KLHL1: variants seen among roughly 807,000 people sequenced by gnomAD.
The protein encoded by KLHL1 is kelch-like protein 1.
KLHL1 carries 47 observed loss-of-function variants against 77.7 expected under a neutral mutation model. The ratio of observed to expected loss-of-function variants is 0.60; its 90% CI spans 0.48 to 0.77. The LOEUF is 0.77. Ranked by LOEUF, KLHL1 falls within the 30% of genes least tolerant of loss-of-function variation. The pLI is 0.00. For synonymous variants in KLHL1, 360 were observed against 325.2 expected, an observed-to-expected ratio of 1.11 and a Z score of -1.15; for missense variants, 925 against 910.8, an observed-to-expected ratio of 1.02 and a Z score of -0.20.
intron 4 of KLHL1, among the ~76,000 whole-genome samples, chr13:69,926,984 A>G (rs1882839579): frequency 6.8e-6 from 1 of 147,540 alleles, no homozygotes. Context: ...GAGAATTCAC[A>G]CTTCCCAATT....
chr13:69,975,248 A>G (rs550757260), intron 2 of KLHL1, among the ~76,000 whole-genome samples: 21 of 152,038 alleles, frequency 1.4e-4, no homozygotes, highest in Non-Finnish European at 2.1e-4. Context: ...AGCATATTTC[A>G]TTTCAGATTT....
At chr13:69,731,875 T>G (rs977944671) in intron 8 of KLHL1, among the ~76,000 whole-genome samples, 1 of 152,096 alleles carries the variant, frequency 6.6e-6, no homozygotes, top group Non-Finnish European at 1.5e-5. Context: ...TCACAAGTAG[T>G]AAATAGAAAA....
At chr13:69,981,073 T>C (rs1310132419) in intron 1 of KLHL1, among the ~76,000 whole-genome samples, 3 of 152,146 alleles carry the variant, frequency 2.0e-5, no homozygotes, top group African/African-American at 7.2e-5. Flanking sequence ...ATTTAGTAAA[T>C]GTTTGTGGCA....
At chr13:70,068,219 T>C (rs1180885319) in intron 1 of KLHL1, among the ~76,000 whole-genome samples, 8 of 152,088 alleles carry the variant, frequency 5.3e-5, no homozygotes, top group Non-Finnish European at 1.2e-4. Flanking sequence ...CGGGCGCCTG[T>C]AGTCCCAGCT....
At chr13:69,855,335 G>C (rs370835005) in intron 5 of KLHL1, among the ~76,000 whole-genome samples, 2,244 of 89,958 alleles carry the variant, frequency 0.025, 34 homozygotes, top group Non-Finnish European at 0.03. Context: ...TAGATAGATA[G>C]ATAGATAGAT....
intron 1 of KLHL1, among the ~76,000 whole-genome samples, chr13:70,084,283 T>G (rs1005841101): frequency 1.3e-5 from 2 of 152,138 alleles, no homozygotes; most frequent in South Asian, 4.1e-4. Flanking sequence ...AAGTACTTTA[T>G]AACTATACCC....
chr13:69,732,220 TAAAAC>T (rs1013384063), intron 8 of KLHL1, among the ~76,000 whole-genome samples: 3 of 152,150 alleles, frequency 2.0e-5, no homozygotes, highest in Non-Finnish European at 2.9e-5. Flanking sequence ...AAATCAGTCT[TAAAAC>T]ACACATAGAA....
chr13:69,813,311 C>A lies in KLHL1; in HGVS notation c.1415-16349G>T, dbSNP rs866468580. On this transcript the variant is annotated intron_variant, in intron 6 of 10. Transcript: ENST00000377844. ...GACACAGGAAGGGGAACATCACACACCGGGGCCTGTTGTGGGGTGGGGGGA... is the reference window on the plus strand; with the variant it reads ...GACACAGGAAGGGGAACATCACACAACGGGGCCTGTTGTGGGGTGGGGGGA... Among the ~76,000 whole-genome samples the A allele has an allele frequency of 3.7e-3, 562 of 150,708 alleles. 4 individuals are homozygous for A. Among genetic ancestry groups the A allele is most frequent in the African/African-American group, 0.013 (527 of 40,340 alleles).
chr13:70,062,427 G>C (rs1184907902), intron 1 of KLHL1, among the ~76,000 whole-genome samples: 3 of 152,246 alleles, frequency 2.0e-5, no homozygotes, highest in Non-Finnish European at 2.9e-5. Context: ...ATTTGAGCTA[G>C]AAATGCAGAT....
intron 2 of KLHL1, among the ~76,000 whole-genome samples, chr13:69,966,643 C>T (rs7999570): frequency 0.61 from 92,970 of 151,964 alleles, 28,540 homozygotes; most frequent in South Asian, 0.65. Context: ...TTTGCATACA[C>T]GTGCAATTTT....
At position 69,745,657 on chromosome 13, in the gene KLHL1, C is replaced by A. The variant is rs145209433; in HGVS notation, c.1640-5101G>T. 2.0e-5 allele frequency among the ~76,000 whole-genome samples: 3 copies of A among 151,584 alleles called. No individual in the cohort carries two copies. In the South Asian group the frequency reaches 6.2e-4, roughly 31 times the overall value. The stretch of plus-strand genomic sequence containing the variant: ...ATAGGATTAAATATAAAAATTAAAA[C>A]AATAAACTTTTCAGAATATAATGGA... On this transcript the variant is annotated intron_variant, in intron 7 of 10. Transcript: ENST00000377844.
intron 1 of KLHL1, among the ~76,000 whole-genome samples, chr13:70,053,140 T>C (rs1886667204): frequency 6.6e-6 from 1 of 152,020 alleles, no homozygotes; most frequent in Admixed American, 6.6e-5. Context: ...AAGTGTAGTC[T>C]TAAAAGAAAC....
At chr13:69,903,274 C>A (rs1206541675) in intron 4 of KLHL1, among the ~76,000 whole-genome samples, 1 of 152,100 alleles carries the variant, frequency 6.6e-6, no homozygotes, top group African/African-American at 2.4e-5. Flanking sequence ...ACCCACCACA[C>A]CCCCACTTGC....
intron 1 of KLHL1, among the ~76,000 whole-genome samples, chr13:70,024,057 G>A (rs550139245): frequency 6.6e-6 from 1 of 151,776 alleles, no homozygotes; most frequent in Non-Finnish European, 1.5e-5. Flanking sequence ...ATGTATTAGG[G>A]TGTTTTAAAG....
intron 1 of KLHL1, among the ~76,000 whole-genome samples, chr13:70,067,380 A>G (rs1488533444): frequency 1.3e-5 from 2 of 152,056 alleles, no homozygotes; most frequent in African/African-American, 2.4e-5. Flanking sequence ...ATTGATATCT[A>G]TGTTTTAGGT....
chr13:69,865,284 A>G (rs76671379), intron 5 of KLHL1, among the ~76,000 whole-genome samples: 1,971 of 152,226 alleles, frequency 0.013, 47 homozygotes, highest in African/African-American at 0.045. Flanking sequence ...AAGTGTATGC[A>G]TGTCTGAGTA....
At chr13:70,103,606 G>A (rs1040331908) in intron 1 of KLHL1, among the ~76,000 whole-genome samples, 3 of 152,276 alleles carry the variant, frequency 2.0e-5, no homozygotes, top group African/African-American at 7.2e-5. Context: ...GCAGACAATG[G>A]CTGTGAAGAG....
intron 6 of KLHL1, among the ~76,000 whole-genome samples, chr13:69,836,868 T>C (rs1262713056): frequency 6.6e-6 from 1 of 151,754 alleles, no homozygotes; most frequent in Non-Finnish European, 1.5e-5. Context: ...AAAAATGCAA[T>C]AATTAGAAGA....
At chr13:69,899,250 A>G (rs976352533) in intron 4 of KLHL1, among the ~76,000 whole-genome samples, 3 of 152,212 alleles carry the variant, frequency 2.0e-5, no homozygotes, top group Non-Finnish European at 1.5e-5. Context: ...GAGGGCAAGC[A>G]AATCCAGGTG....
Sources: allele counts gnomAD v4.1 joint callset (sites outside exome capture counted in the v4.1 genomes callset), GRCh38; gene constraint gnomAD v4.1.1; transcripts MANE v1.5; gene names NCBI Gene and HGNC (gene_info 2026-07-23, HGNC 2026-07-21).